The following PEX19 variants were observed in gnomAD, a reference collection of about 807,000 sequenced individuals.
PEX19 encodes the protein 33 kDa housekeeping protein.
PEX19 carries 29 observed loss-of-function variants against 36.3 expected under a neutral mutation model. The observed-to-expected ratio is 0.80, with a 90% CI of 0.60 to 1.09. PEX19 has a LOEUF of 1.09. PEX19 is among the 50% of genes least tolerant of loss of function. The pLI is 0.00. For missense variants in PEX19, 396 were observed against 368.1 expected (o/e 1.08, Z -0.62); for synonymous variants, 141 against 135.2 (o/e 1.04, Z -0.30).
At position 160,278,481 on chromosome 1, in the gene PEX19, C is replaced by G. The variant is rs1435890360; in HGVS notation, c.*1070G>C. 1.9e-6 allele frequency: 1 copy of G among 523,850 alleles called. No individual in the cohort carries two copies. The highest frequency in any genetic ancestry group is 5.0e-5 in the East Asian group (1 of 20,112). The allele number at this position is 523,850 out of a possible 1,614,324, so 32.5% of individuals were successfully genotyped here. The stretch of plus-strand genomic sequence containing the variant: ...AGGAAGATCAGAAAAAGACCACACT[C>G]CTCACTCAGAATATTTATTATATTC... On this transcript the variant is annotated 3_prime_UTR_variant, in exon 8 of 8. Coordinates refer to ENST00000368072, the MANE Select transcript of PEX19 (RefSeq NM_002857.4).
At chr1:160,282,568 A>G in intron 3 of PEX19, 66 bp from the exon 4 acceptor site, 1 of 1,208,662 alleles carries the variant, frequency 8.3e-7, no homozygotes, top group Non-Finnish European at 1.2e-6. Flanking sequence ...TGAACTGGTT[A>G]ACAGCTTGGA....
rs1359260906 is a variant in PEX19, at chr1:160,280,194, T to G, written c.647A>C (p.Glu216Ala). The G allele has an allele frequency of 6.2e-7, 1 of 1,614,114 alleles. No homozygotes were observed. The highest frequency in any genetic ancestry group is 8.5e-7 in the Non-Finnish European group (1 of 1,179,942). Residue 216 changes from glutamate (E) to alanine (A), a missense_variant, in exon 6 of 8, where the codon GAA becomes GCA. Glu to Ala is a moderately radical substitution (Grantham distance 107, BLOSUM62 -1). Transcript: ENST00000368072. The part of the protein sequence containing the change: ...HRESLPPEQF[E>A]KYQEQHSVMC... ...GACGCTGTGCTGCTCCTGATATTTT[T>G]CAAACTGCTCTGGAGGTAGAGATTC...
Position 160,277,304 on chromosome 1 carries a change from A to G in PEX19, c.*2247T>C, listed in dbSNP as rs1657580394. ...GCTGTGATATCCAAGTACATGATCA[A>G]TGGACTTAACCTACAGAACAGTCTG... On this transcript the variant is annotated 3_prime_UTR_variant, in exon 8 of 8. Coordinates refer to ENST00000368072, the MANE Select transcript of PEX19 (RefSeq NM_002857.4). 1 of 456,076 alleles carries G rather than the reference A, an allele frequency of 2.2e-6. No homozygotes were observed. Among genetic ancestry groups the G allele is most frequent in the Non-Finnish European group, 4.4e-6 (1 of 226,804 alleles). The allele number at this position is 456,076 out of a possible 1,614,324, so 28.3% of individuals were successfully genotyped here.
Position 160,277,391 on chromosome 1 carries a change from T to C in PEX19, c.*2160A>G, listed in dbSNP as rs1216934475. On this transcript the variant is annotated 3_prime_UTR_variant, in exon 8 of 8. Coordinates refer to ENST00000368072, the MANE Select transcript of PEX19 (RefSeq NM_002857.4). ...GCACACAGTGTGAACTCCATACCTG[T>C]CATGGGCAATAGGAATGCATATTGA... The C allele has an allele frequency of 2.2e-6, 1 of 456,082 alleles. No individual in the cohort carries two copies. Among genetic ancestry groups the C allele is most frequent in the Non-Finnish European group, 4.4e-6 (1 of 226,792 alleles). The allele number at this position is 456,082 out of a possible 1,614,324, so 28.3% of individuals were successfully genotyped here.
Position 160,285,068 on chromosome 1 carries a change from C to T in PEX19, c.57G>A (p.Glu19=). ...ATGGGCTCTTACTTTCCAGAAGCTC[C>T]TCCAATTCCCTGTCCGCTTCGGCCC... ...SVGAEADREL[E]ELLESALDDF... The change falls in exon 1 of 8, where the codon GAG becomes GAA. Residue 19 remains glutamate (E), a synonymous_variant. Coordinates refer to ENST00000368072, the MANE Select transcript of PEX19 (RefSeq NM_002857.4). 1.2e-6 allele frequency: 2 copies of T among 1,613,418 alleles called. No individual in the cohort carries two copies. The highest frequency in any genetic ancestry group is 1.1e-5 in the South Asian group (1 of 91,070).
chr1:160,283,696 G>T, intron 1 of PEX19, 57 bp from the exon 2 acceptor site: 1 of 1,357,558 alleles, frequency 7.4e-7, no homozygotes, highest in Non-Finnish European at 1.1e-6. Context: ...TGCAAGCAAG[G>T]CTGGGTGGTT....
In PEX19 at chr1:160,282,187, G is replaced by T; in HGVS notation, c.446C>A (p.Ser149Ter). The change falls in exon 5 of 8, where the codon TCG becomes TAG. Residue 149 changes from serine to a stop codon, truncating the protein, a stop_gained. Coordinates refer to ENST00000368072, the MANE Select transcript of PEX19 (RefSeq NM_002857.4). LOFTEE classifies it high-confidence loss of function. ...CATGGCCTTGGTCAGCTCTTCTTCCGACATGCTGGAGTTCTAGATAGGACA... is the reference window on the plus strand; with the variant it reads ...CATGGCCTTGGTCAGCTCTTCTTCCTACATGCTGGAGTTCTAGATAGGACA... ...NATDLQNSSM[S>*]EEELTKAMEG... The T allele has an allele frequency of 1.2e-6, 2 of 1,614,070 alleles. No homozygotes were observed. The highest frequency in any genetic ancestry group is 1.7e-6 in the Non-Finnish European group (2 of 1,180,006).
intron 5 of PEX19, 98 bp downstream of exon 5, chr1:160,281,941 G>A (rs1657786335): frequency 2.0e-5 from 20 of 1,022,876 alleles, no homozygotes; most frequent in East Asian, 1.0e-4. Flanking sequence ...AAGCACACTC[G>A]AGTTACTCTT....
At position 160,278,063 on chromosome 1, in the gene PEX19, A is replaced by G. The variant is rs1049175358; in HGVS notation, c.*1488T>C. On this transcript the variant is annotated 3_prime_UTR_variant, in exon 8 of 8. Transcript: ENST00000368072. ...TCAAAGCGACTCATAATGCATGTGA[A>G]TTTGCTTTGGAGAGACTTATCTTCT... The G allele has an allele frequency of 1.4e-6, 1 of 702,282 alleles. No homozygotes were observed. The highest frequency in any genetic ancestry group is 1.7e-5 in the African/African-American group (1 of 57,232). 43.5% of individuals were successfully genotyped at this position (702,282 alleles called of 1,614,324 possible).
chr1:160,283,281 T>C (rs1480995171), intron 2 of PEX19, among the ~76,000 whole-genome samples, 172 bp from the exon 3 acceptor site: 1 of 152,206 alleles, frequency 6.6e-6, no homozygotes, highest in Non-Finnish European at 1.5e-5. Context: ...TATCTAGTCA[T>C]TGAAGGAGGG....
Position 160,282,101 on chromosome 1 carries a change from T to C in PEX19, c.532A>G (p.Ile178Val), listed in dbSNP as rs2101802538. 6.2e-7 allele frequency: 1 copy of C among 1,614,042 alleles called. No individual in the cohort carries two copies. The highest frequency in any genetic ancestry group is 8.5e-7 in the Non-Finnish European group (1 of 1,179,932). Residue 178 changes from isoleucine to valine, a missense_variant, in exon 5 of 8, where the codon ATT becomes GTT. By Grantham distance (29) the Ile-to-Val change is conservative. Coordinates refer to ENST00000368072, the MANE Select transcript of PEX19 (RefSeq NM_002857.4). ...EGNILPIMQS[I>V]MQNLLSKDVL... ...TCCTTGGAGAGTAGGTTCTGCATAA[T>C]ACTCTGCATGATGGGGAGGATGTTC...
chr1:160,284,111 C>A (rs1354224917), intron 1 of PEX19: 2 of 472,006 alleles, frequency 4.2e-6, no homozygotes, highest in Non-Finnish European at 8.8e-6. Flanking sequence ...GGTACCAGCA[C>A]AGACTGAGGG....
intron 2 of PEX19, 112 bp downstream of exon 2, chr1:160,283,418 G>A (rs1657867009): frequency 2.6e-6 from 2 of 762,144 alleles, no homozygotes; most frequent in Non-Finnish European, 2.2e-6. Context: ...TCACCAATGT[G>A]AGGCCAAGGT....
At position 160,280,192 on chromosome 1, in the gene PEX19, T is replaced by C. The variant is rs757358987; in HGVS notation, c.649A>G (p.Lys217Glu). 6 of 1,614,064 alleles carry C rather than the reference T, an allele frequency of 3.7e-6. No homozygotes were observed. ...RESLPPEQFEKYQEQHSVMCK... is the reference protein window; with the variant it reads ...RESLPPEQFEEYQEQHSVMCK... ...ATGACGCTGTGCTGCTCCTGATATTTTTCAAACTGCTCTGGAGGTAGAGAT... is the reference window on the plus strand; with the variant it reads ...ATGACGCTGTGCTGCTCCTGATATTCTTCAAACTGCTCTGGAGGTAGAGAT... The change falls in exon 6 of 8, where the codon AAA (lysine) becomes GAA (glutamate). Residue 217 changes from lysine to glutamate, a missense_variant. Physicochemically the swap from Lys to Glu is moderately conservative, Grantham distance 56 (BLOSUM62 1). Transcript: ENST00000368072.
At chr1:160,284,970 G>T in intron 1 of PEX19, 85 bp downstream of exon 1, 1 of 1,015,458 alleles carries the variant, frequency 9.8e-7, no homozygotes, top group Non-Finnish European at 1.6e-6. Flanking sequence ...TCTCCTGCCC[G>T]TCCCTAATAT....
Position 160,277,600 on chromosome 1 carries a change from G to A in PEX19, c.*1951C>T, listed in dbSNP as rs1343348590. 1 of 454,150 alleles carries A rather than the reference G, an allele frequency of 2.2e-6. No homozygotes were observed. Among genetic ancestry groups the A allele is most frequent in the Non-Finnish European group, 4.4e-6 (1 of 226,828 alleles). 28.1% of individuals were successfully genotyped at this position (454,150 alleles called of 1,614,324 possible). ...AAATCAAAATAAAAATGAGTGCCTT[G>A]GGAACAAAGATAAAGTGGACTAGGG... is the stretch of plus-strand genomic sequence containing the variant. On this transcript the variant is annotated 3_prime_UTR_variant, in exon 8 of 8. Coordinates refer to ENST00000368072, the MANE Select transcript of PEX19 (RefSeq NM_002857.4).
chr1:160,283,666 G>A, intron 1 of PEX19, 27 bp from the exon 2 acceptor site: 1 of 1,544,314 alleles, frequency 6.5e-7, no homozygotes, highest in Non-Finnish European at 9.0e-7. Context: ...CATGGTGTGT[G>A]TGTTGGCGAC....
intron 5 of PEX19, among the ~76,000 whole-genome samples, chr1:160,281,821 C>T (rs1258279430): frequency 6.6e-6 from 1 of 152,156 alleles, no homozygotes; most frequent in East Asian, 1.9e-4. Flanking sequence ...AGACCCCAAA[C>T]GTTATACCTC....
chr1:160,279,659 G>T, intron 7 of PEX19, 25 bp from the exon 8 acceptor site: 1 of 1,595,838 alleles, frequency 6.3e-7, no homozygotes, highest in Non-Finnish European at 8.6e-7. Flanking sequence ...AAGGGACTCA[G>T]ATAGTTGCTC....
Sources: gnomAD v4.1 joint callset for allele counts (sites outside exome capture counted in the v4.1 genomes callset) on GRCh38, gnomAD v4.1.1 for gene constraint, MANE v1.5 for transcripts, NCBI Gene and HGNC (gene_info 2026-07-23, HGNC 2026-07-21) for gene names.